The following CTNNA3 variants were observed in gnomAD, a reference collection of about 807,000 sequenced individuals.
CTNNA3 encodes catenin alpha 3, also known as catenin alpha-3.
Under a neutral mutation model 95.7 loss-of-function variants are expected in CTNNA3, and 76 were observed. The ratio of observed to expected loss-of-function variants is 0.79; its 90% CI spans 0.66 to 0.96. The LOEUF (loss-of-function observed/expected upper bound fraction) is 0.96, where lower values mean the gene tolerates loss of function less well. CTNNA3 is among the 40% of genes least tolerant of loss of function. The pLI, the probability that CTNNA3 is intolerant of heterozygous loss-of-function variation, is 0.00. For synonymous variants in CTNNA3, 431 were observed against 374.4 expected (o/e 1.15, Z -1.74); for missense variants, 1,191 against 1,089.8 (o/e 1.09, Z -1.31).
chr10:67,047,806 G>A (rs1854847044), intron 7 of CTNNA3, among the ~76,000 whole-genome samples: 1 of 151,858 alleles, frequency 6.6e-6, no homozygotes, highest in East Asian at 1.9e-4. Context: ...TTATTCCATG[G>A]TAACATACCC....
intron 12 of CTNNA3, among the ~76,000 whole-genome samples, chr10:66,347,459 T>C (rs1477169171): frequency 1.3e-5 from 2 of 151,816 alleles, no homozygotes; most frequent in African/African-American, 2.4e-5. Flanking sequence ...ACAAAACATT[T>C]TAAAAATGAG....
At chr10:66,125,848 G>A (rs929473529) in intron 13 of CTNNA3, among the ~76,000 whole-genome samples, 2 of 152,210 alleles carry the variant, frequency 1.3e-5, no homozygotes, top group African/African-American at 4.8e-5. Flanking sequence ...GATTCAAGGC[G>A]AGAGGAGGAG....
intron 3 of CTNNA3, among the ~76,000 whole-genome samples, chr10:67,580,316 C>T (rs1302309010): frequency 6.6e-6 from 1 of 152,046 alleles, no homozygotes; most frequent in Non-Finnish European, 1.5e-5. Context: ...ATAAGGAATC[C>T]TTTCCTCCTT....
chr10:66,034,349 T>C (rs954672231), intron 15 of CTNNA3, among the ~76,000 whole-genome samples: 1 of 151,886 alleles, frequency 6.6e-6, no homozygotes, highest in Non-Finnish European at 1.5e-5. Flanking sequence ...CTCTATTCAA[T>C]TTTCATCCAT....
At chr10:67,566,035 G>T (rs1180652962) in intron 3 of CTNNA3, among the ~76,000 whole-genome samples, 1 of 35,484 alleles carries the variant, frequency 2.8e-5, no homozygotes, top group Non-Finnish European at 4.7e-5. Context: ...ACACACATAT[G>T]TGTGTGTGTA....
At chr10:66,599,351 G>A (rs1469379048) in intron 10 of CTNNA3, among the ~76,000 whole-genome samples, 4 of 152,000 alleles carry the variant, frequency 2.6e-5, no homozygotes, top group Admixed American at 6.6e-5. Flanking sequence ...ATAGGCACAG[G>A]CCATAAACTT....
At chr10:66,135,924 T>A (rs539721813) in intron 13 of CTNNA3, among the ~76,000 whole-genome samples, 19 of 151,086 alleles carry the variant, frequency 1.3e-4, no homozygotes, top group African/African-American at 4.6e-4. Context: ...TTTTTTGAGA[T>A]GGAGTCTTGC....
chr10:66,656,562 A>G (rs556338734), intron 9 of CTNNA3, among the ~76,000 whole-genome samples: 4 of 152,238 alleles, frequency 2.6e-5, no homozygotes, highest in East Asian at 1.9e-4. Context: ...GTAAAGTTCA[A>G]CACCCATTCT....
intron 12 of CTNNA3, among the ~76,000 whole-genome samples, chr10:66,337,564 C>T (rs10762062): frequency 0.71 from 107,718 of 151,834 alleles, 40,867 homozygotes; most frequent in Non-Finnish European, 0.85. Flanking sequence ...GGTCTGACTA[C>T]GTTCAAACTT....
intron 5 of CTNNA3, among the ~76,000 whole-genome samples, chr10:67,292,222 T>A (rs1839865751): frequency 6.6e-6 from 1 of 152,018 alleles, no homozygotes; most frequent in Non-Finnish European, 1.5e-5. Context: ...AAAGTTTGAG[T>A]AATATTTTTA....
rs1163152886 is a variant in CTNNA3, at chr10:66,233,107, CCGAGA to C, written c.1884+47358_1884+47362del. Among the ~76,000 whole-genome samples, 507 of 130,518 alleles carry C rather than the reference CCGAGA, an allele frequency of 3.9e-3. 1 individual carries two copies. Among genetic ancestry groups the C allele is most frequent in the Non-Finnish European group, 5.2e-3 (336 of 65,148 alleles). The allele number at this position is 130,518 out of a possible 152,430, so 85.6% of individuals were successfully genotyped here. ...CCCGGGAGGCGGAGCTTGTAGTGAGCCGAGATCGCGCCACTGCACTCCAGCCTGGG... is the reference window on the plus strand; with the variant it reads ...CCCGGGAGGCGGAGCTTGTAGTGAGCTCGCGCCACTGCACTCCAGCCTGGG... On this transcript the variant is annotated intron_variant, in intron 13 of 17. Transcript: ENST00000433211.
At chr10:66,178,249 A>G (rs1447779786) in intron 13 of CTNNA3, among the ~76,000 whole-genome samples, 1 of 150,652 alleles carries the variant, frequency 6.6e-6, no homozygotes, top group Admixed American at 6.6e-5. Flanking sequence ...ACATTCCTCT[A>G]TTTTTTTTCT....
intron 9 of CTNNA3, among the ~76,000 whole-genome samples, chr10:66,653,937 T>C (rs1390357987): frequency 6.6e-6 from 1 of 152,040 alleles, no homozygotes; most frequent in African/African-American, 2.4e-5. Flanking sequence ...TCACACACCA[T>C]ATGTAAAAAT....
At chr10:67,285,520 C>T (rs1839563427) in intron 5 of CTNNA3, among the ~76,000 whole-genome samples, 1 of 152,162 alleles carries the variant, frequency 6.6e-6, no homozygotes, top group African/African-American at 2.4e-5. Context: ...CTTTGCACAA[C>T]TTCACACTGC....
chr10:66,053,487 G>C (rs1050210417), intron 15 of CTNNA3, among the ~76,000 whole-genome samples: 3 of 151,936 alleles, frequency 2.0e-5, no homozygotes, highest in Admixed American at 2.0e-4. Context: ...CATCCTTTGA[G>C]TTACAAACAA....
At chr10:67,460,730 G>C (rs1236296023) in intron 5 of CTNNA3, among the ~76,000 whole-genome samples, 2 of 151,752 alleles carry the variant, frequency 1.3e-5, no homozygotes, top group African/African-American at 4.8e-5. Flanking sequence ...ACTTTAAAAA[G>C]GCCATTTATT....
chr10:67,451,680 A>C (rs1242764734), intron 5 of CTNNA3, among the ~76,000 whole-genome samples: 3 of 152,166 alleles, frequency 2.0e-5, no homozygotes, highest in Non-Finnish European at 4.4e-5. Flanking sequence ...TTTGCTCTTC[A>C]ACTGTGCCCT....
intron 13 of CTNNA3, among the ~76,000 whole-genome samples, chr10:66,245,270 C>G (rs1410185313): frequency 6.6e-6 from 1 of 152,140 alleles, no homozygotes; most frequent in African/African-American, 2.4e-5. Flanking sequence ...GCCCTGGAAG[C>G]ACATTGGTGC....
intron 5 of CTNNA3, among the ~76,000 whole-genome samples, chr10:67,475,298 T>C (rs1847967451): frequency 1.3e-5 from 2 of 152,274 alleles, no homozygotes; most frequent in South Asian, 4.1e-4. Context: ...CAGAAGTGAA[T>C]TTTGTGGGTG....
Sources: allele counts gnomAD v4.1 joint callset (sites outside exome capture counted in the v4.1 genomes callset), GRCh38; gene constraint gnomAD v4.1.1; transcripts MANE v1.5; gene names NCBI Gene and HGNC (gene_info 2026-07-23, HGNC 2026-07-21).